Variants in EEFSEC observed in about 807,000 individuals in gnomAD.
EEFSEC encodes the protein eukaryotic elongation factor, selenocysteine-tRNA specific, also known as selenocysteine-specific elongation factor.
In EEFSEC, 43 loss-of-function variants were observed where a neutral mutation model predicts 42.1. The ratio of observed to expected loss-of-function variants is 1.02; its 90% CI spans 0.80 to 1.32. EEFSEC has a LOEUF of 1.32. Among genes scored for constraint, EEFSEC ranks in the 40% most tolerant of loss-of-function variants. EEFSEC has a pLI of 0.00. For missense variants in EEFSEC, 745 were observed against 803.6 expected (o/e 0.93, Z 0.88); for synonymous variants, 354 against 339.1 (o/e 1.04, Z -0.48).
At chr3:128,194,993 C>T (rs573251473) in intron 1 of EEFSEC, among the ~76,000 whole-genome samples, 62 of 152,336 alleles carry the variant, frequency 4.1e-4, no homozygotes, top group African/African-American at 1.4e-3. Flanking sequence ...CCTCCTCGCT[C>T]CTCCTTCTTG....
intron 6 of EEFSEC, among the ~76,000 whole-genome samples, chr3:128,368,452 A>C (rs551182832): frequency 2.7e-5 from 3 of 111,762 alleles, no homozygotes; most frequent in East Asian, 3.0e-4. Context: ...AACAAAAAAA[A>C]AAAAACAAAA....
intron 4 of EEFSEC, among the ~76,000 whole-genome samples, chr3:128,327,290 A>C (rs1341795385): frequency 0.05 from 3,659 of 73,890 alleles, no homozygotes; most frequent in Non-Finnish European, 0.055. Flanking sequence ...CACTTTTCCC[A>C]TCCCCCCCCC....
intron 1 of EEFSEC, among the ~76,000 whole-genome samples, chr3:128,242,339 T>A (rs879592309): frequency 3.9e-5 from 6 of 151,948 alleles, no homozygotes; most frequent in Admixed American, 6.6e-5. Flanking sequence ...AATAAATAAA[T>A]AAATAACAAA....
downstream of EEFSEC, among the ~76,000 whole-genome samples, chr3:128,413,514 C>T (rs1444936243): frequency 1.3e-5 from 2 of 152,286 alleles, no homozygotes; most frequent in African/African-American, 4.8e-5. Context: ...GGGCCGGCCC[C>T]GAACCCCTGG....
intron 6 of EEFSEC, among the ~76,000 whole-genome samples, chr3:128,363,228 A>G (rs2067549667): frequency 6.6e-6 from 1 of 152,206 alleles, no homozygotes; most frequent in African/African-American, 2.4e-5. Context: ...GACCATTTCA[A>G]ACCGCTCTGC....
At chr3:128,380,869 G>A (rs1029766636) in intron 6 of EEFSEC, among the ~76,000 whole-genome samples, 7 of 152,192 alleles carry the variant, frequency 4.6e-5, no homozygotes, top group African/African-American at 1.7e-4. Flanking sequence ...GGTGGAGGGG[G>A]CCCCAATGGT....
chr3:128,194,454 T>A (rs1324523101), intron 1 of EEFSEC, among the ~76,000 whole-genome samples: 1 of 152,188 alleles, frequency 6.6e-6, no homozygotes, highest in Non-Finnish European at 1.5e-5. Context: ...CAATAAGTTA[T>A]TAGAGAACTT....
intron 2 of EEFSEC, among the ~76,000 whole-genome samples, chr3:128,258,180 G>A (rs1208178644): frequency 8.5e-5 from 13 of 152,180 alleles, no homozygotes; most frequent in East Asian, 3.9e-4. Flanking sequence ...GGAGCAGAGC[G>A]ACCTTGATGT....
intron 4 of EEFSEC, among the ~76,000 whole-genome samples, chr3:128,279,551 C>T (rs1359431012): frequency 6.6e-6 from 1 of 152,240 alleles, no homozygotes; most frequent in Non-Finnish European, 1.5e-5. Context: ...GGCCCTGCCC[C>T]AGACACACCA....
At chr3:128,175,022 T>TA (rs2065334183) in intron 1 of EEFSEC, among the ~76,000 whole-genome samples, 3 of 152,274 alleles carry the variant, frequency 2.0e-5, no homozygotes, top group African/African-American at 7.2e-5. Context: ...GGATGCAGGA[T>TA]AAAGCTGGCC....
chr3:128,229,090 A>T (rs1330628826), intron 1 of EEFSEC, among the ~76,000 whole-genome samples: 1 of 152,216 alleles, frequency 6.6e-6, no homozygotes, highest in African/African-American at 2.4e-5. Context: ...GAAAATCCCC[A>T]CTAGAGAGAA....
the EEFSEC span, among the ~76,000 whole-genome samples, chr3:128,416,302 G>A: frequency 6.6e-6 from 1 of 152,254 alleles, no homozygotes; most frequent in Non-Finnish European, 1.5e-5. Context: ...TGCCGACACA[G>A]TGCAGCAGGG....
intron 1 of EEFSEC, among the ~76,000 whole-genome samples, chr3:128,163,252 C>G (rs1296777068): frequency 6.6e-6 from 1 of 151,942 alleles, no homozygotes; most frequent in Non-Finnish European, 1.5e-5. Flanking sequence ...GAGGCAGCCT[C>G]ATGGTAGGAT....
At chr3:128,175,979 T>C (rs1012854360) in intron 1 of EEFSEC, among the ~76,000 whole-genome samples, 3 of 152,226 alleles carry the variant, frequency 2.0e-5, no homozygotes, top group African/African-American at 7.2e-5. Flanking sequence ...TTTTCTCATC[T>C]TCAAAATGGG....
intron 6 of EEFSEC, among the ~76,000 whole-genome samples, chr3:128,398,995 G>T (rs902365667): frequency 3.9e-5 from 6 of 151,918 alleles, no homozygotes; most frequent in African/African-American, 1.5e-4. Flanking sequence ...CTCCGCAGAG[G>T]CTGCCCCTCC....
intron 1 of EEFSEC, among the ~76,000 whole-genome samples, chr3:128,216,013 C>A (rs1290627302): frequency 6.6e-6 from 1 of 152,024 alleles, no homozygotes; most frequent in Non-Finnish European, 1.5e-5. Flanking sequence ...GGGAAAGAGA[C>A]CCTGTGCCAG....
intron 1 of EEFSEC, among the ~76,000 whole-genome samples, chr3:128,191,511 A>G (rs909444326): frequency 6.6e-6 from 1 of 152,122 alleles, no homozygotes; most frequent in African/African-American, 2.4e-5. Flanking sequence ...TAAATGTACA[A>G]TTCAGTGGCA....
chr3:128,215,791 C>G (rs79439318), intron 1 of EEFSEC, among the ~76,000 whole-genome samples: 7 of 152,196 alleles, frequency 4.6e-5, no homozygotes, highest in African/African-American at 1.7e-4. Context: ...TTAGGCCACC[C>G]GGCTCCTGTG....
At chr3:128,314,287 C>G (rs769228063) in intron 4 of EEFSEC, among the ~76,000 whole-genome samples, 3 of 152,118 alleles carry the variant, frequency 2.0e-5, no homozygotes, top group Non-Finnish European at 2.9e-5. Flanking sequence ...TTTTTTCTCT[C>G]TGGTGCAGGA....
Sources: allele counts gnomAD v4.1 joint callset (sites outside exome capture counted in the v4.1 genomes callset), GRCh38; gene constraint gnomAD v4.1.1; transcripts MANE v1.5; gene names NCBI Gene and HGNC (gene_info 2026-07-23, HGNC 2026-07-21).